NUP37: variants seen among roughly 807,000 people sequenced by gnomAD.
The protein encoded by NUP37 is nucleoporin Nup37.
A neutral mutation model predicts 45.4 loss-of-function variants in NUP37; 33 were observed. That is an observed-to-expected ratio of 0.73 (90% CI 0.55 to 0.97). NUP37 has a LOEUF of 0.97. Ranked by LOEUF, NUP37 falls within the 50% of genes least tolerant of loss-of-function variation. NUP37 has a pLI of 0.00. For missense variants in NUP37, 365 were observed against 389.7 expected, an observed-to-expected ratio of 0.94 and a Z score of 0.53; for synonymous variants, 127 against 130.7, an observed-to-expected ratio of 0.97 and a Z score of 0.19.
At position 102,074,220 on chromosome 12, in the gene NUP37, T is replaced by C; in HGVS notation, c.*134A>G. On this transcript the variant is annotated 3_prime_UTR_variant, in exon 10 of 10. Transcript: ENST00000552283. ...TTCAAACCATCAACATTTTATTTAATAAAAGCAACTGAGACATTTTCTAAA... is the reference window on the plus strand; with the variant it reads ...TTCAAACCATCAACATTTTATTTAACAAAAGCAACTGAGACATTTTCTAAA... The C allele has an allele frequency of 2.0e-6, 1 of 491,276 alleles. No homozygotes were observed. Among genetic ancestry groups the C allele is most frequent in the Non-Finnish European group, 3.6e-6 (1 of 280,960 alleles). 30.4% of individuals were successfully genotyped at this position (491,276 alleles called of 1,614,324 possible).
At chr12:102,092,958 G>C (rs978234071) in intron 5 of NUP37, among the ~76,000 whole-genome samples, 1 of 152,118 alleles carries the variant, frequency 6.6e-6, no homozygotes, top group African/African-American at 2.4e-5. Flanking sequence ...AGACTACTGA[G>C]CAAGTAGTAG....
chr12:102,102,195 T>C lies in NUP37; in HGVS notation c.282-1091A>G, dbSNP rs549013861. Among the ~76,000 whole-genome samples the C allele has an allele frequency of 3.3e-5, 5 of 152,340 alleles. No homozygotes were observed. The East Asian group carries it at 7.7e-4, about 24-fold the overall frequency. On this transcript the variant is annotated intron_variant, in intron 3 of 9. Transcript: ENST00000552283. ...CATACACAAATCTAAATTTATTCTT[T>C]AGTTTGAGTACAGTGAGCCATTTTT...
At chr12:102,087,454 C>T (rs1189098889) in intron 5 of NUP37, among the ~76,000 whole-genome samples, 1 of 152,168 alleles carries the variant, frequency 6.6e-6, no homozygotes. Context: ...GCATACTGTT[C>T]TCTTGCCAAA....
intron 2 of NUP37, among the ~76,000 whole-genome samples, chr12:102,115,415 T>C (rs1169955920): frequency 6.6e-6 from 1 of 152,234 alleles, no homozygotes; most frequent in East Asian, 1.9e-4. Flanking sequence ...CATTAGTGAA[T>C]TGAGGCCTCT....
At chr12:102,106,401 C>A (rs1052361522) in intron 3 of NUP37, among the ~76,000 whole-genome samples, 1 of 152,146 alleles carries the variant, frequency 6.6e-6, no homozygotes, top group Non-Finnish European at 1.5e-5. Flanking sequence ...CATATTTTAA[C>A]AACATTTTCA....
In NUP37 at chr12:102,074,943, C is replaced by G; in HGVS notation, c.867+58G>C. 2.6e-6 allele frequency: 3 copies of G among 1,159,194 alleles called. No homozygotes were observed. The East Asian group carries it at 7.7e-5, about 30-fold the overall frequency. 71.8% of individuals were successfully genotyped at this position (1,159,194 alleles called of 1,614,324 possible). A position where few individuals can be genotyped will look rare whatever the true frequency, so the allele number is the denominator to read the frequency against. On this transcript the variant is annotated intron_variant, in intron 9 of 9. Transcript: ENST00000552283. ...AATTTGGGGCTATGAGTGGAAAAGT[C>G]AAAAACACAAATTAAAAAAAAAAAA...
chr12:102,101,044 T>C lies in NUP37; in HGVS notation c.342A>G (p.Lys114=), dbSNP rs746444664. The part of the protein sequence containing the change: ...IRLFTSDLQD[K]NEYKVLEGHT... ...GTTGTCAACATACCTTATATTCATTTTTATCCTGAAGATCTGAAGTAAATA... is the reference window on the plus strand; with the variant it reads ...GTTGTCAACATACCTTATATTCATTCTTATCCTGAAGATCTGAAGTAAATA... The change falls in exon 4 of 10, where the codon AAA becomes AAG. Residue 114 remains lysine (K), a synonymous_variant. Transcript: ENST00000552283. The C allele has an allele frequency of 2.0e-6, 3 of 1,534,432 alleles. No individual in the cohort carries two copies. The highest frequency in any genetic ancestry group is 2.7e-6 in the Non-Finnish European group (3 of 1,125,194).
At chr12:102,074,628 G>A (rs1042511137) in intron 9 of NUP37, 161 bp from the exon 10 acceptor site, 31 of 560,726 alleles carry the variant, frequency 5.5e-5, no homozygotes, top group Non-Finnish European at 8.4e-5. Context: ...TTATTGATAC[G>A]CAGCTGAAAC....
intron 6 of NUP37, among the ~76,000 whole-genome samples, chr12:102,081,950 G>A (rs1879343131): frequency 2.0e-5 from 3 of 152,014 alleles, no homozygotes; most frequent in South Asian, 4.1e-4. Context: ...CACCTGTCTC[G>A]GCCTCCCAAG....
chr12:102,111,610 G>C (rs1403662962), intron 3 of NUP37, among the ~76,000 whole-genome samples: 1 of 152,114 alleles, frequency 6.6e-6, no homozygotes, highest in African/African-American at 2.4e-5. Context: ...TGTAAAGAGG[G>C]CTTCAGCAGG....
intron 6 of NUP37, among the ~76,000 whole-genome samples, chr12:102,077,931 T>A (rs1233723099): frequency 1.3e-5 from 2 of 152,098 alleles, no homozygotes; most frequent in Non-Finnish European, 2.9e-5. Flanking sequence ...CAGATAAGGA[T>A]CCTCAACCTA....
Position 102,102,793 on chromosome 12 carries a change from G to A in NUP37, c.282-1689C>T, listed in dbSNP as rs193258028. ...GATTCTGCATATGGAGTGAAATAAC[G>A]GTTCAATTTCATTCTTCTGTGTGTA... is the stretch of plus-strand genomic sequence containing the variant. On this transcript the variant is annotated intron_variant, in intron 3 of 9. Coordinates refer to ENST00000552283, the MANE Select transcript of NUP37 (RefSeq NM_024057.4). Among the ~76,000 whole-genome samples, 5 of 152,248 alleles carry A rather than the reference G, an allele frequency of 3.3e-5. No individual in the cohort carries two copies. The South Asian group carries it at 8.3e-4, about 25-fold the overall frequency.
intron 5 of NUP37, among the ~76,000 whole-genome samples, chr12:102,092,634 A>G (rs1387444076): frequency 6.6e-6 from 1 of 152,184 alleles, no homozygotes; most frequent in Non-Finnish European, 1.5e-5. Context: ...TTGCAAAAGA[A>G]TTCAGTGCTA....
chr12:102,108,726 T>C (rs1199174725), intron 3 of NUP37, among the ~76,000 whole-genome samples: 2 of 152,200 alleles, frequency 1.3e-5, no homozygotes, highest in Non-Finnish European at 2.9e-5. Context: ...CAATTATTAT[T>C]TTGGGAATTC....
At chr12:102,111,185 A>G (rs1293348593) in intron 3 of NUP37, among the ~76,000 whole-genome samples, 1 of 152,228 alleles carries the variant, frequency 6.6e-6, no homozygotes, top group Non-Finnish European at 1.5e-5. Flanking sequence ...GCCAGACACA[A>G]AAGACATTCT....
chr12:102,095,033 C>T (rs1197681553), intron 5 of NUP37, among the ~76,000 whole-genome samples: 7 of 152,062 alleles, frequency 4.6e-5, no homozygotes, highest in Admixed American at 3.3e-4. Flanking sequence ...TCTTTTGTAT[C>T]CCCCAAAGTA....
At position 102,118,553 on chromosome 12, in the gene NUP37, A is replaced by G; in HGVS notation, c.-35T>C. ...CAAAATTCAAGCAGTTGTGAAAATT[A>G]AATAGCCTTCTACTGGACAAGGTCA... On this transcript the variant is annotated 5_prime_UTR_variant, in exon 2 of 10. Coordinates refer to ENST00000552283, the MANE Select transcript of NUP37 (RefSeq NM_024057.4). 6.3e-7 allele frequency: 1 copy of G among 1,596,048 alleles called. No homozygotes were observed. Among genetic ancestry groups the G allele is most frequent in the South Asian group, 1.1e-5 (1 of 88,112 alleles).
intron 5 of NUP37, among the ~76,000 whole-genome samples, chr12:102,088,001 C>T (rs1416223370): frequency 2.6e-5 from 4 of 152,044 alleles, no homozygotes; most frequent in Admixed American, 1.3e-4. Context: ...CAAACAAAAA[C>T]CTGACTTAAA....
At chr12:102,103,352 T>C (rs947094470) in intron 3 of NUP37, among the ~76,000 whole-genome samples, 2 of 152,224 alleles carry the variant, frequency 1.3e-5, no homozygotes, top group Admixed American at 1.3e-4. Flanking sequence ...TTTGATGCTT[T>C]TGTAAATCAT....
Sources: gnomAD v4.1 joint callset for allele counts (sites outside exome capture counted in the v4.1 genomes callset) on GRCh38, gnomAD v4.1.1 for gene constraint, MANE v1.5 for transcripts, NCBI Gene and HGNC (gene_info 2026-07-23, HGNC 2026-07-21) for gene names.